Variants in BMPR1A observed in about 807,000 individuals in gnomAD.
The protein encoded by BMPR1A is bone morphogenetic protein receptor type 1A, also known as bone morphogenetic protein receptor type-1A.
BMPR1A carries 7 observed loss-of-function variants against 66.0 expected under a neutral mutation model. The observed-to-expected ratio is 0.11, with a 90% CI of 0.06 to 0.20. The LOEUF (loss-of-function observed/expected upper bound fraction) is 0.20, where lower values mean the gene tolerates loss of function less well. BMPR1A is among the 10% of genes least tolerant of loss of function. The pLI is 1.00. For missense variants in BMPR1A, 408 were observed against 669.1 expected (o/e 0.61, Z 4.31); for synonymous variants, 200 against 229.7 (o/e 0.87, Z 1.17).
At chr10:86,770,311 C>T (rs1241204604) in intron 1 of BMPR1A, among the ~76,000 whole-genome samples, 1 of 152,158 alleles carries the variant, frequency 6.6e-6, no homozygotes, top group East Asian at 1.9e-4. Flanking sequence ...TCTTGGGCAA[C>T]TGAGGCAGGA....
chr10:86,778,823 A>T (rs1169152972), intron 1 of BMPR1A, among the ~76,000 whole-genome samples: 1 of 152,022 alleles, frequency 6.6e-6, no homozygotes, highest in Non-Finnish European at 1.5e-5. Flanking sequence ...ATGAGTGAGA[A>T]CATGTGGTGA....
At chr10:86,846,293 T>C (rs550746033) in intron 2 of BMPR1A, among the ~76,000 whole-genome samples, 1 of 152,282 alleles carries the variant, frequency 6.6e-6, no homozygotes, top group Admixed American at 6.5e-5. Flanking sequence ...TGTAGAGCCT[T>C]CCTCTCTGTC....
intron 2 of BMPR1A, among the ~76,000 whole-genome samples, chr10:86,854,324 C>T (rs936340679): frequency 3.9e-5 from 6 of 152,028 alleles, no homozygotes; most frequent in Admixed American, 6.5e-5. Context: ...GTGCAGTTAA[C>T]GCAATTATTA....
At chr10:86,886,114 G>A (rs915992917) in intron 3 of BMPR1A, among the ~76,000 whole-genome samples, 6 of 152,140 alleles carry the variant, frequency 3.9e-5, no homozygotes, top group Non-Finnish European at 5.9e-5. Flanking sequence ...CCCAGGGCTC[G>A]TAGTTTATTC....
At chr10:86,826,169 T>G (rs722068) in intron 1 of BMPR1A, among the ~76,000 whole-genome samples, 47,095 of 151,952 alleles carry the variant, frequency 0.31, 8,260 homozygotes, top group East Asian at 0.67. Context: ...CTAAACATTT[T>G]AGCACGTGTA....
chr10:86,805,127 T>C (rs1841871183), intron 1 of BMPR1A, among the ~76,000 whole-genome samples: 1 of 152,132 alleles, frequency 6.6e-6, no homozygotes, highest in African/African-American at 2.4e-5. Context: ...CCTACCCTGA[T>C]AATCTCATTT....
chr10:86,914,595 T>C (rs914999494), intron 8 of BMPR1A, among the ~76,000 whole-genome samples: 3 of 152,096 alleles, frequency 2.0e-5, no homozygotes, highest in East Asian at 1.9e-4. Context: ...AAAGAAGATA[T>C]AAGAATGGCA....
intron 1 of BMPR1A, among the ~76,000 whole-genome samples, chr10:86,772,508 A>G (rs1257579158): frequency 1.3e-5 from 2 of 152,126 alleles, no homozygotes; most frequent in Admixed American, 6.6e-5. Context: ...CTTGCATAAC[A>G]TAATTATGTT....
chr10:86,884,681 C>CT (rs1005406919), intron 3 of BMPR1A, among the ~76,000 whole-genome samples: 3 of 152,064 alleles, frequency 2.0e-5, no homozygotes, highest in Non-Finnish European at 2.9e-5. Flanking sequence ...TCCCAAGGTG[C>CT]TGGGACTACA....
At chr10:86,778,055 A>G (rs1233332568) in intron 1 of BMPR1A, among the ~76,000 whole-genome samples, 3 of 151,986 alleles carry the variant, frequency 2.0e-5, no homozygotes. Flanking sequence ...TTTAGGGGGT[A>G]CATAATGTTG....
chr10:86,875,423 T>G (rs1005958745), intron 2 of BMPR1A, among the ~76,000 whole-genome samples: 2 of 152,186 alleles, frequency 1.3e-5, no homozygotes, highest in Non-Finnish European at 2.9e-5. Context: ...TAGGTCGGCT[T>G]CCTCTTCTAT....
intron 1 of BMPR1A, among the ~76,000 whole-genome samples, chr10:86,766,597 C>T (rs183921057): frequency 1.3e-4 from 19 of 150,532 alleles, no homozygotes; most frequent in African/African-American, 3.9e-4. Context: ...GTTCTCTCCT[C>T]CCAACATAAT....
chr10:86,759,754 TC>T (rs1211076214), intron 1 of BMPR1A, among the ~76,000 whole-genome samples: 2 of 152,220 alleles, frequency 1.3e-5, no homozygotes, highest in African/African-American at 4.8e-5. Context: ...GATTATCTGT[TC>T]CTTGAAAGTT....
chr10:86,930,151 A>G (rs1177009163), downstream of BMPR1A: 1 of 152,332 alleles, frequency 6.6e-6, no homozygotes, highest in African/African-American at 2.4e-5. Context: ...GAGTGCTGGT[A>G]TAAGCAGAAG....
chr10:86,842,286 A>G (rs1842435136), intron 2 of BMPR1A, among the ~76,000 whole-genome samples: 2 of 152,148 alleles, frequency 1.3e-5, no homozygotes, highest in African/African-American at 4.8e-5. Flanking sequence ...CACATTTGGT[A>G]AGAAAAGTCT....
intron 2 of BMPR1A, among the ~76,000 whole-genome samples, chr10:86,848,388 ATAT>A (rs1446537137): frequency 6.6e-5 from 10 of 152,288 alleles, no homozygotes; most frequent in African/African-American, 2.2e-4. Flanking sequence ...CTATTATTTA[ATAT>A]TATTATGCTT....
chr10:86,821,165 C>T (rs1842115254), intron 1 of BMPR1A, among the ~76,000 whole-genome samples: 2 of 152,144 alleles, frequency 1.3e-5, no homozygotes, highest in African/African-American at 2.4e-5. Context: ...CACGAAGTGG[C>T]GGTGTTGAGA....
intron 1 of BMPR1A, among the ~76,000 whole-genome samples, chr10:86,824,105 G>GTTTGTGTGTGTGTGTGTT (rs1554882222): frequency 6.8e-6 from 1 of 147,280 alleles, no homozygotes; most frequent in African/African-American, 2.5e-5. Flanking sequence ...GTGTGTGTGT[G>GTTTGTGTGTGTGTGTGTT]TGTGTGTTTC....
chr10:86,794,243 AT>A (rs530107349), intron 1 of BMPR1A, among the ~76,000 whole-genome samples: 21 of 148,840 alleles, frequency 1.4e-4, no homozygotes, highest in East Asian at 3.9e-4. Flanking sequence ...AATTTTATCT[AT>A]TTTTTTTTTA....
Sources: allele counts gnomAD v4.1 joint callset (sites outside exome capture counted in the v4.1 genomes callset), GRCh38; gene constraint gnomAD v4.1.1; transcripts MANE v1.5; gene names NCBI Gene and HGNC (gene_info 2026-07-23, HGNC 2026-07-21).